The following ABTB3 variants were observed in gnomAD, a reference collection of about 807,000 sequenced individuals.
The protein encoded by ABTB3 is ankyrin repeat- and BTB/POZ domain-containing protein 3.
chr12:107,444,966 A>G, the ABTB3 span, among the ~76,000 whole-genome samples: 1 of 152,196 alleles, frequency 6.6e-6, no homozygotes, highest in East Asian at 1.9e-4. Flanking sequence ...GGGGCCAGTC[A>G]GGAGAGGTCC....
At chr12:107,492,183 G>C in the ABTB3 span, among the ~76,000 whole-genome samples, 1 of 152,176 alleles carries the variant, frequency 6.6e-6, no homozygotes, top group Non-Finnish European at 1.5e-5. Flanking sequence ...CAGTGACCTT[G>C]GATGAGAACT....
At chr12:107,319,586 G>T in the ABTB3 span, 4 of 1,538,558 alleles carry the variant, frequency 2.6e-6, no homozygotes, top group East Asian at 7.3e-5. Context: ...CGTGGGCCGC[G>T]TGTATCGCTG....
chr12:107,602,781 T>G, the ABTB3 span, among the ~76,000 whole-genome samples: 5 of 152,186 alleles, frequency 3.3e-5, no homozygotes, highest in African/African-American at 1.2e-4. Flanking sequence ...GCAGAATGCA[T>G]TAACTCCCCG....
the ABTB3 span, chr12:107,320,100 C>A: frequency 7.1e-7 from 1 of 1,407,596 alleles, no homozygotes; most frequent in East Asian, 2.7e-5. Context: ...GGGTGCCACT[C>A]CCTCTCACCT....
At chr12:107,610,090 G>A in the ABTB3 span, 1 of 1,418,398 alleles carries the variant, frequency 7.1e-7, no homozygotes, top group Non-Finnish European at 9.8e-7. Flanking sequence ...CAATTTACAT[G>A]AAAAGCAAAT....
At chr12:107,489,836 C>T in the ABTB3 span, among the ~76,000 whole-genome samples, 1 of 151,892 alleles carries the variant, frequency 6.6e-6, no homozygotes, top group Admixed American at 6.6e-5. Flanking sequence ...CATTATGGCT[C>T]ACTGCAGCCT....
the ABTB3 span, among the ~76,000 whole-genome samples, chr12:107,572,053 TAAAGAA>T: frequency 6.6e-6 from 1 of 152,164 alleles, no homozygotes; most frequent in African/African-American, 2.4e-5. Flanking sequence ...TGCTACTTTA[TAAAGAA>T]AAACAGTCTT....
chr12:107,650,712 G>C, the ABTB3 span: 1 of 152,058 alleles, frequency 6.6e-6, no homozygotes, highest in African/African-American at 2.4e-5. Context: ...TGTATTTTTA[G>C]TAGAGACGGG....
the ABTB3 span, among the ~76,000 whole-genome samples, chr12:107,499,137 C>T: frequency 6.6e-6 from 1 of 152,148 alleles, no homozygotes; most frequent in Non-Finnish European, 1.5e-5. Context: ...TAGTGGCTGA[C>T]TCGGGGGAGC....
the ABTB3 span, among the ~76,000 whole-genome samples, chr12:107,499,492 CCT>C: frequency 6.6e-6 from 1 of 151,876 alleles, no homozygotes; most frequent in African/African-American, 2.4e-5. Context: ...ACGAATTTGC[CCT>C]GTGTATTCGT....
the ABTB3 span, among the ~76,000 whole-genome samples, chr12:107,465,478 G>A: frequency 6.6e-6 from 1 of 152,252 alleles, no homozygotes; most frequent in South Asian, 2.1e-4. Context: ...ATAGGGCTTG[G>A]CACACAGTAG....
At chr12:107,437,424 T>A in the ABTB3 span, among the ~76,000 whole-genome samples, 7 of 149,338 alleles carry the variant, frequency 4.7e-5, no homozygotes, top group East Asian at 1.2e-3. Flanking sequence ...TGAGATGGAG[T>A]CTCACTCTGT....
At chr12:107,331,212 C>T in the ABTB3 span, among the ~76,000 whole-genome samples, 5 of 152,222 alleles carry the variant, frequency 3.3e-5, no homozygotes, top group African/African-American at 4.8e-5. Context: ...TTTTCTCTCT[C>T]TGACTCCTCC....
the ABTB3 span, among the ~76,000 whole-genome samples, chr12:107,366,633 A>G: frequency 6.6e-6 from 1 of 152,214 alleles, no homozygotes; most frequent in African/African-American, 2.4e-5. Flanking sequence ...TTTAAGAGTG[A>G]AGCACGGTTT....
At chr12:107,543,842 G>A in the ABTB3 span, 1 of 1,201,720 alleles carries the variant, frequency 8.3e-7, no homozygotes, top group Non-Finnish European at 1.1e-6. Context: ...ATAAGGGACT[G>A]CAAGGACCAG....
the ABTB3 span, among the ~76,000 whole-genome samples, chr12:107,495,625 C>A: frequency 6.6e-6 from 1 of 152,248 alleles, no homozygotes; most frequent in Non-Finnish European, 1.5e-5. Context: ...AAACACCTCT[C>A]AGGGCCTGCC....
chr12:107,338,949 C>G, the ABTB3 span, among the ~76,000 whole-genome samples: 216 of 152,278 alleles, frequency 1.4e-3, no homozygotes, highest in South Asian at 4.1e-3. Flanking sequence ...GCCTCAGCCT[C>G]CAGGGTAGCT....
At chr12:107,578,111 A>G in the ABTB3 span, among the ~76,000 whole-genome samples, 1 of 152,164 alleles carries the variant, frequency 6.6e-6, no homozygotes. Flanking sequence ...AATTCCTCCA[A>G]AGAAAACATA....
chr12:107,403,584 A>T, the ABTB3 span, among the ~76,000 whole-genome samples: 15 of 152,264 alleles, frequency 9.9e-5, no homozygotes, highest in Non-Finnish European at 5.9e-5. Context: ...GTGTGTCAAC[A>T]GTACACTTCA....
Sources: gnomAD v4.1 joint callset for allele counts (sites outside exome capture counted in the v4.1 genomes callset) on GRCh38, gnomAD v4.1.1 for gene constraint, MANE v1.5 for transcripts, NCBI Gene and HGNC (gene_info 2026-07-23, HGNC 2026-07-21) for gene names.